SLC11A2: variants seen among roughly 807,000 people sequenced by gnomAD.
SLC11A2 encodes solute carrier family 11 member 2.
A neutral mutation model predicts 68.0 loss-of-function variants in SLC11A2; 38 were observed. The ratio of observed to expected loss-of-function variants is 0.56; its 90% CI spans 0.43 to 0.73. The LOEUF (loss-of-function observed/expected upper bound fraction) is 0.73, where lower values mean the gene tolerates loss of function less well. Ranked by LOEUF, SLC11A2 falls within the 30% of genes least tolerant of loss-of-function variation. The probability of loss-of-function intolerance (pLI) is 0.00; values close to 1 mark genes in which losing one functional copy is unlikely to be tolerated. For missense variants in SLC11A2, 517 were observed against 690.5 expected, an observed-to-expected ratio of 0.75 and a Z score of 2.82; for synonymous variants, 242 against 250.6, an observed-to-expected ratio of 0.97 and a Z score of 0.32.
In SLC11A2 at chr12:50,986,386, A is replaced by C; in HGVS notation, c.*1939T>G. ...GGGTATTTTTAACACTGTGAAGTACACACATAATATTATAAAATGCCATTT... is the reference window on the plus strand; with the variant it reads ...GGGTATTTTTAACACTGTGAAGTACCCACATAATATTATAAAATGCCATTT... On this transcript the variant is annotated 3_prime_UTR_variant, in exon 16 of 16. Transcript: ENST00000262052. The C allele has an allele frequency of 7.8e-7, 1 of 1,280,178 alleles. No individual in the cohort carries two copies. The highest frequency in any genetic ancestry group is 3.3e-4 in the Middle Eastern group (1 of 3,052). The allele number at this position is 1,280,178 out of a possible 1,614,324, so 79.3% of individuals were successfully genotyped here.
chr12:51,011,552 G>GTTTTTT lies in SLC11A2; in HGVS notation c.-38-792_-38-787dup, dbSNP rs772957287. 7.2e-5 allele frequency among the ~76,000 whole-genome samples: 9 copies of GTTTTTT among 125,234 alleles called. 1 individual carries two copies. The highest frequency in any genetic ancestry group is 1.1e-4 in the Non-Finnish European group (7 of 61,318). 82.2% of individuals were successfully genotyped at this position (125,234 alleles called of 152,430 possible). A position where few individuals can be genotyped will look rare whatever the true frequency, so the allele number is the denominator to read the frequency against. ...CACATTTCCCCCTATTTTATGAGTT[G>GTTTTTT]TTTTTTTTTGTTTTTTTTTTAGTTT... On this transcript the variant is annotated intron_variant, in intron 1 of 15. Transcript: ENST00000262052.
chr12:51,018,522 C>A (rs1038014973), intron 1 of SLC11A2, among the ~76,000 whole-genome samples: 1 of 150,522 alleles, frequency 6.6e-6, no homozygotes, highest in East Asian at 1.9e-4. Flanking sequence ...GGGCCGAGTG[C>A]GGTGGCTCAA....
chr12:50,953,227 GAGAC>G, the SLC11A2 span, among the ~76,000 whole-genome samples: 2 of 152,188 alleles, frequency 1.3e-5, no homozygotes, highest in Non-Finnish European at 2.9e-5. Flanking sequence ...GGAACAACAG[GAGAC>G]AGACAGCAGG....
intron 5 of SLC11A2, among the ~76,000 whole-genome samples, chr12:51,001,885 T>C (rs1384815162): frequency 6.6e-6 from 1 of 152,048 alleles, no homozygotes; most frequent in East Asian, 1.9e-4. Context: ...ACCTTTAATG[T>C]AATAATAATG....
the SLC11A2 span, among the ~76,000 whole-genome samples, chr12:50,959,814 A>AT: frequency 6.6e-6 from 1 of 151,512 alleles, no homozygotes; most frequent in African/African-American, 2.4e-5. Flanking sequence ...CGCCCGGCTA[A>AT]TTTTTTTGTA....
intron 1 of SLC11A2, among the ~76,000 whole-genome samples, chr12:51,017,209 G>A (rs2136377073): frequency 6.6e-6 from 1 of 152,070 alleles, no homozygotes; most frequent in Non-Finnish European, 1.5e-5. Context: ...ATTGTTTGTA[G>A]TATGAAAAGA....
At chr12:50,960,523 C>T in the SLC11A2 span, among the ~76,000 whole-genome samples, 1 of 152,098 alleles carries the variant, frequency 6.6e-6, no homozygotes, top group African/African-American at 2.4e-5. Context: ...ATATTAAGGG[C>T]TCATTTTAAA....
At chr12:50,984,024 G>A (rs1433325410), downstream of SLC11A2, among the ~76,000 whole-genome samples, 1 of 151,794 alleles carries the variant, frequency 6.6e-6, no homozygotes, top group Non-Finnish European at 1.5e-5. Context: ...AGCTACTCGG[G>A]AGGCTGAGGC....
At chr12:51,028,153 G>T, upstream of SLC11A2, 2 of 1,499,816 alleles carry the variant, frequency 1.3e-6, no homozygotes, top group Non-Finnish European at 1.8e-6. Context: ...CTGCTCAGCT[G>T]GGCAGCTTCC....
rs189983165 is a variant in SLC11A2, at chr12:51,011,408, A to G, written c.-38-642T>C. Among the ~76,000 whole-genome samples the G allele has an allele frequency of 1.5e-3, 235 of 152,204 alleles. 1 individual carries two copies. Among genetic ancestry groups the G allele is most frequent in the African/African-American group, 5.1e-3 (211 of 41,548 alleles). Reference sequence around the variant, plus strand: ...CTCCCATAGTGCTGGGATTATAGGCATGAGCCAACGCACCTGGCCAGGCAA... The same window carrying G: ...CTCCCATAGTGCTGGGATTATAGGCGTGAGCCAACGCACCTGGCCAGGCAA... On this transcript the variant is annotated intron_variant, in intron 1 of 15. Coordinates refer to ENST00000262052, the MANE Select transcript of SLC11A2 (RefSeq NM_000617.3).
downstream of SLC11A2, among the ~76,000 whole-genome samples, chr12:50,983,856 T>A (rs1054634448): frequency 6.6e-6 from 1 of 151,968 alleles, no homozygotes. Flanking sequence ...TAGTCCCAGT[T>A]ACTTGGGAGG....
chr12:51,026,169 T>G, intron 1 of SLC11A2, 141 bp downstream of exon 1: 1 of 1,165,370 alleles, frequency 8.6e-7, no homozygotes, highest in Non-Finnish European at 1.1e-6. Flanking sequence ...TGGCCACACC[T>G]CCCCTCACAG....
chr12:51,000,795 TC>T (rs1246387834), intron 5 of SLC11A2, among the ~76,000 whole-genome samples: 3 of 152,116 alleles, frequency 2.0e-5, no homozygotes, highest in Middle Eastern at 3.4e-3. Context: ...CAAATATGGG[TC>T]AAGAAAGAAT....
downstream of SLC11A2, among the ~76,000 whole-genome samples, chr12:50,985,344 G>A (rs906447549): frequency 2.6e-5 from 4 of 152,130 alleles, no homozygotes; most frequent in Non-Finnish European, 5.9e-5. Flanking sequence ...ACAACATGGA[G>A]AACAAAATTC....
Position 50,987,684 on chromosome 12 carries a change from T to G in SLC11A2, c.*641A>C. On this transcript the variant is annotated 3_prime_UTR_variant, in exon 16 of 16. Coordinates refer to ENST00000262052, the MANE Select transcript of SLC11A2 (RefSeq NM_000617.3). ...ACCACCTAGCGATGTGGTGCTGGTT[T>G]TGTTAGTTGTCAGTTTTTCCCCTTC... 7.8e-7 allele frequency: 1 copy of G among 1,287,172 alleles called. No homozygotes were observed. The allele number at this position is 1,287,172 out of a possible 1,614,324, so 79.7% of individuals were successfully genotyped here. A position where few individuals can be genotyped will look rare whatever the true frequency, so the allele number is the denominator to read the frequency against.
At chr12:50,978,914 A>G (rs930904662), downstream of SLC11A2, among the ~76,000 whole-genome samples, 2 of 152,082 alleles carry the variant, frequency 1.3e-5, no homozygotes, top group South Asian at 2.1e-4. Flanking sequence ...ACCTGGATAC[A>G]CTCACCTGCC....
the SLC11A2 span, among the ~76,000 whole-genome samples, chr12:50,956,777 C>T: frequency 4.1e-4 from 63 of 152,268 alleles, no homozygotes; most frequent in African/African-American, 1.2e-3. Context: ...CATAGTGTAG[C>T]CCTGAACATC....
chr12:50,986,965 T>C lies in SLC11A2; in HGVS notation c.*1360A>G, dbSNP rs573581505. 2.0e-4 allele frequency: 254 copies of C among 1,287,168 alleles called. 5 individuals carry two copies. The South Asian group carries it at 2.9e-3, about 15-fold the overall frequency. The allele number at this position is 1,287,168 out of a possible 1,614,324, so 79.7% of individuals were successfully genotyped here. A position where few individuals can be genotyped will look rare whatever the true frequency, so the allele number is the denominator to read the frequency against. On this transcript the variant is annotated 3_prime_UTR_variant, in exon 16 of 16. Coordinates refer to ENST00000262052, the MANE Select transcript of SLC11A2 (RefSeq NM_000617.3). ...AATGAGAAGTCCTTCAACACCATTT[T>C]CCATTACTGTTCTCACCAAATCAAT...
the SLC11A2 span, among the ~76,000 whole-genome samples, chr12:50,962,583 G>T: frequency 1.3e-5 from 2 of 151,846 alleles, no homozygotes; most frequent in Non-Finnish European, 2.9e-5. Flanking sequence ...TGTAGTCACA[G>T]CTACTTGGGA....
Sources: gnomAD v4.1 joint callset for allele counts (sites outside exome capture counted in the v4.1 genomes callset) on GRCh38, gnomAD v4.1.1 for gene constraint, MANE v1.5 for transcripts, NCBI Gene and HGNC (gene_info 2026-07-23, HGNC 2026-07-21) for gene names.